NEU3: variants seen among roughly 807,000 people sequenced by gnomAD.
NEU3 encodes the protein neuraminidase 3.
A neutral mutation model predicts 11.4 loss-of-function variants in NEU3; 10 were observed. That is an observed-to-expected ratio of 0.88 (90% confidence interval 0.54 to 1.49). The LOEUF (loss-of-function observed/expected upper bound fraction) is 1.49, where lower values mean the gene tolerates loss of function less well. Ranked by LOEUF, NEU3 falls within the 40% of genes most tolerant of loss-of-function variation. The pLI, the probability that NEU3 is intolerant of heterozygous loss-of-function variation, is 0.00. For missense variants in NEU3, 529 were observed against 581.8 expected, an observed-to-expected ratio of 0.91 and a Z score of 0.93; for synonymous variants, 212 against 228.2, an observed-to-expected ratio of 0.93 and a Z score of 0.64.
At chr11:75,002,929 G>A (rs865780829) in intron 2 of NEU3, among the ~76,000 whole-genome samples, 8 of 152,194 alleles carry the variant, frequency 5.3e-5, no homozygotes, top group African/African-American at 1.9e-4. Flanking sequence ...GTATTCTATC[G>A]TATGAACATA....
chr11:74,991,031 A>G (rs1424290802), intron 1 of NEU3, among the ~76,000 whole-genome samples: 1 of 152,306 alleles, frequency 6.6e-6, no homozygotes, highest in South Asian at 2.1e-4. Flanking sequence ...TTTTATTTCT[A>G]TCACCTACTC....
chr11:75,017,285 G>C (rs1463757953), intron 3 of NEU3, among the ~76,000 whole-genome samples: 2 of 152,184 alleles, frequency 1.3e-5, no homozygotes, highest in Non-Finnish European at 2.9e-5. Flanking sequence ...AGACTTCCCT[G>C]AGCTTGATGG....
intron 2 of NEU3, among the ~76,000 whole-genome samples, chr11:74,996,028 A>G (rs1252977017): frequency 1.3e-5 from 2 of 151,994 alleles, no homozygotes; most frequent in African/African-American, 2.4e-5. Flanking sequence ...AGTGGCACAC[A>G]TCTGTAGTGG....
At chr11:74,981,593 G>T in the NEU3 span, among the ~76,000 whole-genome samples, 409 of 152,242 alleles carry the variant, frequency 2.7e-3, 5 homozygotes, top group East Asian at 0.053. Context: ...TCATGCTCAT[G>T]TTGCTGGCTA....
At position 74,989,001 on chromosome 11, in the gene NEU3, A is replaced by G; in HGVS notation, c.-60A>G. On this transcript the variant is annotated 5_prime_UTR_variant, in exon 1 of 3. Transcript: ENST00000294064. ...CCGTCTCAGTTGTTTCTCCCTCTCT[A>G]TCCTCCTCTGTCTCAGTCTCCCCAG... 1 of 1,294,524 alleles carries G rather than the reference A, an allele frequency of 7.7e-7. No individual in the cohort carries two copies. Among genetic ancestry groups the G allele is most frequent in the Non-Finnish European group, 1.1e-6 (1 of 919,722 alleles). The allele number at this position is 1,294,524 out of a possible 1,614,324, so 80.2% of individuals were successfully genotyped here.
chr11:75,004,862 GTATT>G (rs1565496917), intron 2 of NEU3, among the ~76,000 whole-genome samples: 1 of 151,596 alleles, frequency 6.6e-6, no homozygotes, highest in Non-Finnish European at 1.5e-5. Context: ...TAAAATTTCT[GTATT>G]TGTTTGCCTT....
intron 1 of NEU3, among the ~76,000 whole-genome samples, chr11:74,993,363 C>G (rs571249390): frequency 6.6e-6 from 1 of 152,234 alleles, no homozygotes; most frequent in East Asian, 1.9e-4. Context: ...GCCAGCACAC[C>G]CGGCTAATTT....
intron 1 of NEU3, among the ~76,000 whole-genome samples, chr11:74,990,761 C>T (rs1948723305): frequency 6.6e-6 from 1 of 152,262 alleles, no homozygotes; most frequent in South Asian, 2.1e-4. Flanking sequence ...CTAATAGTCA[C>T]ATGTTGACTG....
intron 2 of NEU3, 111 bp downstream of exon 2, chr11:74,994,831 AGCAGAG>A: frequency 9.7e-7 from 1 of 1,027,078 alleles, no homozygotes; most frequent in Non-Finnish European, 1.5e-6. Flanking sequence ...CTGTGTGGGG[AGCAGAG>A]GCAGAAAAAA....
In NEU3 at chr11:75,006,337, G is replaced by C; in HGVS notation, c.1231G>C (p.Glu411Gln). ...CGYSDLAALEEEGLFGCLFEC... is the reference protein window; with the variant it reads ...CGYSDLAALEQEGLFGCLFEC... ...CTACTCTGATCTGGCTGCTCTGGAG[G>C]AGGAGGGCTTGTTTGGGTGTTTGTT... The change falls in exon 3 of 3, where the codon GAG (glutamate) becomes CAG (glutamine). Residue 411 changes from glutamate (E) to glutamine (Q), a missense_variant. Glu to Gln is a conservative substitution (Grantham distance 29, BLOSUM62 2). Coordinates refer to ENST00000294064, the MANE Select transcript of NEU3 (RefSeq NM_006656.6). 1 of 1,614,014 alleles carries C rather than the reference G, an allele frequency of 6.2e-7. No homozygotes were observed. Among genetic ancestry groups the C allele is most frequent in the Non-Finnish European group, 8.5e-7 (1 of 1,179,902 alleles).
intron 1 of NEU3, among the ~76,000 whole-genome samples, chr11:74,990,936 GTAATTGGTAGTTTAAAAA>G (rs1948725099): frequency 6.6e-6 from 1 of 152,212 alleles, no homozygotes; most frequent in South Asian, 2.1e-4. Flanking sequence ...AGAATATACA[GTAATTGGTAGTTTAAAAA>G]TAATAACTGT....
Position 75,007,002 on chromosome 11 carries a change from T to A in NEU3, c.*510T>A, listed in dbSNP as rs984851311. The A allele has an allele frequency of 2.0e-5, 3 of 152,176 alleles. No individual in the cohort carries two copies. The highest frequency in any genetic ancestry group is 7.3e-5 in the African/African-American group (3 of 40,842). The allele number at this position is 152,176 out of a possible 1,614,324, so 9.4% of individuals were successfully genotyped here. On this transcript the variant is annotated 3_prime_UTR_variant, in exon 3 of 3. Transcript: ENST00000294064. ...GACCAGATCTGTATGATTTGTTCCA[T>A]TTTTAATAACAAAAATATCCACACC...
chr11:75,000,232 T>G (rs529739229), intron 2 of NEU3, among the ~76,000 whole-genome samples: 2 of 152,128 alleles, frequency 1.3e-5, no homozygotes, highest in Non-Finnish European at 2.9e-5. Context: ...AAAAAAAAAA[T>G]TAATTGTAGT....
intron 2 of NEU3, among the ~76,000 whole-genome samples, chr11:74,999,314 CA>C (rs1948821452): frequency 6.6e-6 from 1 of 152,196 alleles, no homozygotes; most frequent in African/African-American, 2.4e-5. Context: ...GCCCAGCAAG[CA>C]TTTTTTATCA....
intron 2 of NEU3, chr11:75,004,387 G>T: frequency 1.8e-6 from 1 of 567,904 alleles, no homozygotes; most frequent in South Asian, 2.2e-5. Flanking sequence ...TACAGCATGA[G>T]CCACTGTGCC....
chr11:75,015,287 C>T (rs187574954), downstream of NEU3, among the ~76,000 whole-genome samples: 13 of 152,230 alleles, frequency 8.5e-5, no homozygotes, highest in Admixed American at 6.5e-4. Context: ...GAAAGCAAAC[C>T]GTCACCAGAC....
chr11:75,014,437 A>G (rs1223254798), downstream of NEU3, among the ~76,000 whole-genome samples: 1 of 152,158 alleles, frequency 6.6e-6, no homozygotes, highest in Non-Finnish European at 1.5e-5. Context: ...GTCTCAGCCC[A>G]CCATTGCAAT....
chr11:75,006,285 C>G lies in NEU3; in HGVS notation c.1179C>G (p.Pro393=), dbSNP rs1292507746. ...TGGAGGCTGCCTGCTGGTCCCGCCC[C>G]TGGATCTTGCACTGTGGGCCCTGTG... The part of the protein sequence containing the change: ...TPLEAACWSR[P]WILHCGPCGY... The change falls in exon 3 of 3, where the codon CCC becomes CCG. Residue 393 remains proline (P), a synonymous_variant. Transcript: ENST00000294064. 2 of 1,613,906 alleles carry G rather than the reference C, an allele frequency of 1.2e-6. No homozygotes were observed. The highest frequency in any genetic ancestry group is 1.7e-6 in the Non-Finnish European group (2 of 1,179,906).
In NEU3 at chr11:75,007,609, A is replaced by C. The variant is rs1374291209; in HGVS notation, c.*1117A>C. 1 of 152,130 alleles carries C rather than the reference A, an allele frequency of 6.6e-6. No individual in the cohort carries two copies. Among genetic ancestry groups the C allele is most frequent in the African/African-American group, 2.4e-5 (1 of 41,400 alleles). The allele number at this position is 152,130 out of a possible 1,614,324, so 9.4% of individuals were successfully genotyped here. The stretch of plus-strand genomic sequence containing the variant: ...TGAGAAGATCTTCACCATTAGGAAG[A>C]TCTCTAGACCCCCAGATCTCAGAAT... On this transcript the variant is annotated 3_prime_UTR_variant, in exon 3 of 3. Transcript: ENST00000294064.
Sources: gnomAD v4.1 joint callset for allele counts (sites outside exome capture counted in the v4.1 genomes callset) on GRCh38, gnomAD v4.1.1 for gene constraint, MANE v1.5 for transcripts, NCBI Gene and HGNC (gene_info 2026-07-23, HGNC 2026-07-21) for gene names.